The following KIF13B variants were observed in gnomAD, a reference collection of about 807,000 sequenced individuals.
KIF13B encodes the protein kinesin-like protein KIF13B.
Under a neutral mutation model 222.0 loss-of-function variants are expected in KIF13B, and 127 were observed. The observed-to-expected ratio is 0.57, with a 90% CI of 0.50 to 0.66. KIF13B has a LOEUF of 0.66. Among genes scored for constraint, KIF13B ranks in the 30% least tolerant of loss-of-function variants. The pLI is 0.00. For synonymous variants in KIF13B, 976 were observed against 919.0 expected (o/e 1.06, Z -1.12); for missense variants, 2,173 against 2,379.0 (o/e 0.91, Z 1.80).
intron 8 of KIF13B, 22 bp downstream of exon 8, chr8:29,180,082 G>C (rs1399464297): frequency 2.5e-6 from 4 of 1,612,588 alleles, no homozygotes; most frequent in Middle Eastern, 3.3e-4. Context: ...TATAAAAACA[G>C]GTCATGCATC....
Position 29,249,953 on chromosome 8 carries a change from A to G in KIF13B, c.56-4514T>C, listed in dbSNP as rs1021427076. 5.9e-6 allele frequency: 6 copies of G among 1,024,950 alleles called. No individual in the cohort carries two copies. In the African/African-American group the frequency reaches 9.9e-5, roughly 17 times the overall value. The allele number at this position is 1,024,950 out of a possible 1,614,324, so 63.5% of individuals were successfully genotyped here. A position where few individuals can be genotyped will look rare whatever the true frequency, so the allele number is the denominator to read the frequency against. On this transcript the variant is annotated intron_variant, in intron 1 of 39. Transcript: ENST00000524189. ...AATGCTGCAAGAAAGTCTCAGCCAC[A>G]CTGCAACAAGTTTTCAAACATGCAA... is the stretch of plus-strand genomic sequence containing the variant.
At chr8:29,232,433 A>T (rs78084222) in intron 2 of KIF13B, among the ~76,000 whole-genome samples, 201 of 141,062 alleles carry the variant, frequency 1.4e-3, no homozygotes, top group African/African-American at 1.9e-3. Flanking sequence ...AAAAAAAATT[A>T]AAAAATAAAT....
chr8:29,205,103 C>T (rs1415805134), intron 2 of KIF13B, among the ~76,000 whole-genome samples: 4 of 152,080 alleles, frequency 2.6e-5, no homozygotes, highest in African/African-American at 9.7e-5. Context: ...GCAGGAGGAT[C>T]GCTTCAGCCC....
chr8:29,074,648 C>A (rs927353050), intron 38 of KIF13B, among the ~76,000 whole-genome samples: 8 of 152,240 alleles, frequency 5.3e-5, no homozygotes, highest in Non-Finnish European at 1.2e-4. Context: ...CACCCCGATC[C>A]CGGCCACAGC....
chr8:29,070,685 A>C lies in KIF13B; in HGVS notation c.5300T>G (p.Val1767Gly), dbSNP rs1402121308. ...CCGCACAGGGCCCGTGGCCCTGCGGACCCGGCTGGGCCTGACCAGCAGCCC... is the reference window on the plus strand; with the variant it reads ...CCGCACAGGGCCCGTGGCCCTGCGGCCCCGGCTGGGCCTGACCAGCAGCCC... ...GYGLLVRPSR[V>G]RRATGPVRRR... Residue 1767 changes from valine (V) to glycine (G), a missense_variant, in exon 40 of 40, where the codon GTC (valine) becomes GGC (glycine). By Grantham distance (109) the Val-to-Gly change is moderately radical (BLOSUM62 -3). Coordinates refer to ENST00000524189, the MANE Select transcript of KIF13B (RefSeq NM_015254.4). This position sits in a 1 kb window ranked among gnomAD's most constrained non-coding sequence, Gnocchi z 4.1. 1.3e-6 allele frequency: 2 copies of C among 1,560,154 alleles called. No homozygotes were observed. The highest frequency in any genetic ancestry group is 2.7e-5 in the African/African-American group (2 of 73,358).
At chr8:29,154,787 G>C (rs1405997137) in intron 14 of KIF13B, among the ~76,000 whole-genome samples, 1 of 152,142 alleles carries the variant, frequency 6.6e-6, no homozygotes, top group Non-Finnish European at 1.5e-5. Context: ...GGCCTCATTA[G>C]AGAACAGCAC....
chr8:29,218,231 T>G (rs116301696), intron 2 of KIF13B, among the ~76,000 whole-genome samples: 29 of 152,278 alleles, frequency 1.9e-4, no homozygotes, highest in African/African-American at 7.0e-4. Flanking sequence ...GCACCTAAAT[T>G]TAGCCCAGTG....
intron 37 of KIF13B, among the ~76,000 whole-genome samples, chr8:29,090,719 ATTTAC>A (rs1238076478): frequency 6.6e-6 from 1 of 152,012 alleles, no homozygotes; most frequent in Non-Finnish European, 1.5e-5. Context: ...ATTTTTATTT[ATTTAC>A]TTTGAGACAG....
intron 21 of KIF13B, 149 bp downstream of exon 21, chr8:29,139,914 C>T (rs1810733220): frequency 1.4e-6 from 1 of 716,166 alleles, no homozygotes; most frequent in Admixed American, 3.0e-5. Flanking sequence ...TGAAAAGGAA[C>T]ATAATACTTA....
At chr8:29,163,802 G>T (rs1811881423) in intron 12 of KIF13B, among the ~76,000 whole-genome samples, 1 of 152,194 alleles carries the variant, frequency 6.6e-6, no homozygotes, top group South Asian at 2.1e-4. Flanking sequence ...AGCTCCCCAA[G>T]ATGTAGGCTC....
intron 37 of KIF13B, 73 bp downstream of exon 37, chr8:29,092,672 T>A: frequency 6.8e-7 from 1 of 1,463,138 alleles, no homozygotes; most frequent in Non-Finnish European, 9.1e-7. Flanking sequence ...CACCTCCACC[T>A]CCAGCTTTGG....
intron 3 of KIF13B, among the ~76,000 whole-genome samples, chr8:29,194,471 T>C (rs929892497): frequency 2.0e-5 from 3 of 152,114 alleles, no homozygotes; most frequent in African/African-American, 7.2e-5. Context: ...ATCTAGCAGG[T>C]TGGGGTGCTA....
chr8:29,157,804 C>T (rs1818497680), intron 13 of KIF13B, among the ~76,000 whole-genome samples: 3 of 149,976 alleles, frequency 2.0e-5, no homozygotes, highest in South Asian at 4.2e-4. Flanking sequence ...GCACTCTCAC[C>T]TGGGTGACAG....
At chr8:29,075,117 T>A (rs1440140083) in intron 38 of KIF13B, among the ~76,000 whole-genome samples, 164 bp downstream of exon 38, 1 of 152,142 alleles carries the variant, frequency 6.6e-6, no homozygotes, top group Non-Finnish European at 1.5e-5. Flanking sequence ...TAGAAAAGTA[T>A]AACAAGGAAA....
chr8:29,071,976 G>T lies in KIF13B; in HGVS notation c.4862C>A (p.Pro1621His). 7.6e-7 allele frequency: 1 copy of T among 1,318,766 alleles called. No individual in the cohort carries two copies. The highest frequency in any genetic ancestry group is 9.6e-7 in the Non-Finnish European group (1 of 1,038,340). The allele number at this position is 1,318,766 out of a possible 1,614,324, so 81.7% of individuals were successfully genotyped here. ...GCTCACGAGCTGCTGGGGGCCAGGG[G>T]GCTCCTCGGCGGGGACGGCCGTGGG... ...PPPTAVPAEE[P>H]PGPQQLVSPG... Residue 1621 changes from proline to histidine, a missense_variant, in exon 39 of 40, where the codon CCC (proline) becomes CAC (histidine). Around this residue, in one of 2 missense-constraint regions of KIF13B, gnomAD observed 693 missense variants for 656.2 expected, o/e 1.06. Transcript: ENST00000524189. The surrounding 1 kb of genome is among the most constrained non-coding windows in gnomAD (Gnocchi z 4.9).
intron 37 of KIF13B, among the ~76,000 whole-genome samples, chr8:29,077,557 A>G (rs761904906): frequency 5.3e-5 from 8 of 152,224 alleles, no homozygotes; most frequent in African/African-American, 1.4e-4. Flanking sequence ...ACAAAGGTGA[A>G]GTTTATTCCC....
At chr8:29,131,449 G>C (rs1403219274) in intron 23 of KIF13B, among the ~76,000 whole-genome samples, 2 of 152,016 alleles carry the variant, frequency 1.3e-5, no homozygotes, top group Admixed American at 6.6e-5. Flanking sequence ...AGGTCAGTAA[G>C]AGAATCAAGG....
intron 19 of KIF13B, among the ~76,000 whole-genome samples, chr8:29,141,839 C>A (rs568833015): frequency 1.3e-5 from 2 of 152,142 alleles, no homozygotes; most frequent in Non-Finnish European, 2.9e-5. Context: ...AATAATGAGG[C>A]CTGGCCTCTG....
intron 2 of KIF13B, among the ~76,000 whole-genome samples, chr8:29,217,942 G>A (rs893138187): frequency 1.3e-5 from 2 of 152,128 alleles, no homozygotes; most frequent in African/African-American, 2.4e-5. Flanking sequence ...GTGAGAGTTT[G>A]GTGCTTTTCC....
Sources: gnomAD v4.1 joint callset for allele counts (sites outside exome capture counted in the v4.1 genomes callset) on GRCh38, gnomAD v4.1.1 for gene constraint, gnomAD v4.1.1 regional missense constraint, Gnocchi (gnomAD v3.1) non-coding constraint, MANE v1.5 for transcripts, NCBI Gene and HGNC (gene_info 2026-07-23, HGNC 2026-07-21) for gene names.